Variants in TMEM268 observed in about 807,000 individuals in gnomAD.
The protein encoded by TMEM268 is transmembrane protein C9orf91.
Under a neutral mutation model 39.1 loss-of-function variants are expected in TMEM268, and 24 were observed. The ratio of observed to expected loss-of-function variants is 0.61; its 90% CI spans 0.44 to 0.86. TMEM268 has a LOEUF of 0.86. Among genes scored for constraint, TMEM268 ranks in the 40% least tolerant of loss-of-function variants. The pLI is 0.00. For missense variants in TMEM268, 409 were observed against 428.6 expected (o/e 0.95, Z 0.40); for synonymous variants, 176 against 173.5 (o/e 1.01, Z -0.12).
intron 1 of TMEM268, among the ~76,000 whole-genome samples, chr9:114,616,527 G>A (rs1368834365): frequency 2.0e-5 from 3 of 151,672 alleles, no homozygotes; most frequent in Non-Finnish European, 4.4e-5. Context: ...CACCACACCC[G>A]GCTGATTTTT....
intron 1 of TMEM268, among the ~76,000 whole-genome samples, chr9:114,614,927 C>G (rs962451465): frequency 1.4e-5 from 2 of 143,458 alleles, no homozygotes; most frequent in African/African-American, 2.6e-5. Flanking sequence ...GATGGAGTCT[C>G]TCTCTGTCGC....
rs765754148 is a variant in TMEM268, at chr9:114,617,258, C to T, written c.63C>T (p.Gly21=). Residue 21 remains glycine, a synonymous_variant, in exon 2 of 9, where the codon GGC becomes GGT. Transcript: ENST00000288502. ...GCCCATTGCCCCCCTCCTCCCCTGG[C>T]TGGAGTGCCCTGCCTGGAGGGAGCC... The part of the protein sequence containing the change: ...ATGPLPPSSP[G]WSALPGGSPP... The T allele has an allele frequency of 1.9e-6, 3 of 1,613,360 alleles. No individual in the cohort carries two copies. Among genetic ancestry groups the T allele is most frequent in the Non-Finnish European group, 2.5e-6 (3 of 1,179,618 alleles).
At chr9:114,612,594 A>G (rs1845545329) in intron 1 of TMEM268, among the ~76,000 whole-genome samples, 1 of 152,198 alleles carries the variant, frequency 6.6e-6, no homozygotes. Flanking sequence ...GAGGGGCTGC[A>G]AGGTGACCAC....
intron 5 of TMEM268, among the ~76,000 whole-genome samples, chr9:114,632,888 C>T (rs1458529750): frequency 6.6e-6 from 1 of 152,182 alleles, no homozygotes; most frequent in Non-Finnish European, 1.5e-5. Flanking sequence ...AAGGGACATA[C>T]CTTGTCCAGG....
intron 5 of TMEM268, among the ~76,000 whole-genome samples, chr9:114,631,628 C>T (rs146923063): frequency 3.5e-4 from 53 of 152,166 alleles, no homozygotes; most frequent in African/African-American, 1.2e-3. Flanking sequence ...GTGAGAGGTA[C>T]GTTAGGAATT....
In TMEM268 at chr9:114,645,074, A is replaced by C. The variant is rs1046005642; in HGVS notation, c.*1761A>C. 1.3e-5 allele frequency: 2 copies of C among 152,488 alleles called. No homozygotes were observed. Among genetic ancestry groups the C allele is most frequent in the African/African-American group, 4.8e-5 (2 of 41,448 alleles). 9.4% of individuals were successfully genotyped at this position (152,488 alleles called of 1,614,324 possible). A position where few individuals can be genotyped will look rare whatever the true frequency, so the allele number is the denominator to read the frequency against. On this transcript the variant is annotated 3_prime_UTR_variant, in exon 9 of 9. Transcript: ENST00000288502. Reference sequence around the variant, plus strand: ...CGGGCTCCCAAAGTGCTGGGATTACAGACGTGAGGCACCACAACCAGCCTG... The same window carrying C: ...CGGGCTCCCAAAGTGCTGGGATTACCGACGTGAGGCACCACAACCAGCCTG...
chr9:114,617,888 A>AT (rs1845797857), intron 2 of TMEM268, among the ~76,000 whole-genome samples: 1 of 142,636 alleles, frequency 7.0e-6, no homozygotes, highest in Admixed American at 7.0e-5. Context: ...TATTTTTTTT[A>AT]TTTTTTGAGA....
intron 5 of TMEM268, among the ~76,000 whole-genome samples, chr9:114,629,257 G>A (rs1339402254): frequency 6.6e-6 from 1 of 152,208 alleles, no homozygotes; most frequent in Admixed American, 6.5e-5. Flanking sequence ...ATTTGACATA[G>A]GTCTCACTGG....
chr9:114,634,730 ACG>A (rs1456747067), intron 6 of TMEM268, among the ~76,000 whole-genome samples: 1 of 152,162 alleles, frequency 6.6e-6, no homozygotes, highest in Non-Finnish European at 1.5e-5. Flanking sequence ...CAGTTCCTCC[ACG>A]AATGTTTATT....
chr9:114,631,523 T>C (rs1268542946), intron 5 of TMEM268, among the ~76,000 whole-genome samples: 2 of 152,218 alleles, frequency 1.3e-5, no homozygotes, highest in African/African-American at 2.4e-5. Flanking sequence ...ATCCTTATTA[T>C]ACTCCTCTGA....
chr9:114,626,844 A>T, intron 3 of TMEM268, 55 bp from the exon 4 acceptor site: 1 of 1,320,018 alleles, frequency 7.6e-7, no homozygotes, highest in Non-Finnish European at 1.1e-6. Flanking sequence ...AGTCACATGC[A>T]CTGGAAACTG....
At position 114,626,160 on chromosome 9, in the gene TMEM268, G is replaced by A. The variant is rs566490531; in HGVS notation, c.217-739G>A. Among the ~76,000 whole-genome samples the A allele has an allele frequency of 8.5e-5, 13 of 152,134 alleles. No homozygotes were observed. In the South Asian group the frequency reaches 1.9e-3, roughly 22 times the overall value. ...TTTTTATAAAAAGAGACAGGGTCTT[G>A]CTATGTTGCCCAGCCTGGTCTTGAA... On this transcript the variant is annotated intron_variant, in intron 3 of 8. Coordinates refer to ENST00000288502, the MANE Select transcript of TMEM268 (RefSeq NM_153045.4).
chr9:114,616,017 CTTTT>C (rs58289502), intron 1 of TMEM268, among the ~76,000 whole-genome samples: 2 of 121,286 alleles, frequency 1.6e-5, no homozygotes, highest in Admixed American at 8.6e-5. Flanking sequence ...TTTTTCTTTT[CTTTT>C]TTTTTTTTTT....
Position 114,646,055 on chromosome 9 carries a change from C to T in TMEM268, c.*2742C>T, listed in dbSNP as rs1468740253. ...GAACTCCTGGCCTCAAGTGATCCTC[C>T]TGCCTTGGCCTCCCATGCTGCTGGG... is the stretch of plus-strand genomic sequence containing the variant. On this transcript the variant is annotated 3_prime_UTR_variant, in exon 9 of 9. Transcript: ENST00000288502. 2 of 152,136 alleles carry T rather than the reference C, an allele frequency of 1.3e-5. No homozygotes were observed. Among genetic ancestry groups the T allele is most frequent in the African/African-American group, 4.8e-5 (2 of 41,402 alleles). 9.4% of individuals were successfully genotyped at this position (152,136 alleles called of 1,614,324 possible). A position where few individuals can be genotyped will look rare whatever the true frequency, so the allele number is the denominator to read the frequency against.
chr9:114,625,439 T>C (rs2133640035), intron 3 of TMEM268, among the ~76,000 whole-genome samples: 1 of 120,956 alleles, frequency 8.3e-6, no homozygotes, highest in South Asian at 2.7e-4. Context: ...ATTTACTTCT[T>C]CTTCTTTTTT....
chr9:114,623,689 C>A (rs1157381551), intron 2 of TMEM268, among the ~76,000 whole-genome samples: 1 of 152,210 alleles, frequency 6.6e-6, no homozygotes, highest in East Asian at 1.9e-4. Context: ...CCCTCTGACT[C>A]TACTTCTGTC....
At chr9:114,628,013 G>A in intron 4 of TMEM268, 88 bp from the exon 5 acceptor site, 2 of 1,415,628 alleles carry the variant, frequency 1.4e-6, no homozygotes, top group Non-Finnish European at 2.0e-6. Context: ...GAGGGTATCA[G>A]TAGTGTCTGA....
At chr9:114,642,845 A>T (rs967324164) in intron 8 of TMEM268, among the ~76,000 whole-genome samples, 2 of 151,668 alleles carry the variant, frequency 1.3e-5, no homozygotes, top group East Asian at 1.9e-4. Context: ...GAGGTTGCAT[A>T]TTTTTTTTGT....
At chr9:114,613,062 A>T (rs1845567425) in intron 1 of TMEM268, among the ~76,000 whole-genome samples, 1 of 152,232 alleles carries the variant, frequency 6.6e-6, no homozygotes, top group Non-Finnish European at 1.5e-5. Context: ...TACTGTCGTT[A>T]TCCCCACTTA....
Sources: allele counts gnomAD v4.1 joint callset (sites outside exome capture counted in the v4.1 genomes callset), GRCh38; gene constraint gnomAD v4.1.1; transcripts MANE v1.5; gene names NCBI Gene and HGNC (gene_info 2026-07-23, HGNC 2026-07-21).